Variants in TMC3 observed in about 807,000 individuals in gnomAD.
TMC3 encodes the protein transmembrane channel-like protein 3.
A neutral mutation model predicts 110.6 loss-of-function variants in TMC3; 98 were observed. The ratio of observed to expected loss-of-function variants is 0.89; its 90% CI spans 0.75 to 1.05. TMC3 has a LOEUF of 1.05. TMC3 is among the 50% of genes least tolerant of loss of function. The pLI, the probability that TMC3 is intolerant of heterozygous loss-of-function variation, is 0.00. For missense variants in TMC3, 1,319 were observed against 1,373.2 expected (o/e 0.96, Z 0.62); for synonymous variants, 489 against 513.1 (o/e 0.95, Z 0.63).
At chr15:81,352,582 G>T (rs753993563) in intron 9 of TMC3, among the ~76,000 whole-genome samples, 86 of 152,118 alleles carry the variant, frequency 5.7e-4, no homozygotes, top group Non-Finnish European at 1.0e-3. Flanking sequence ...TTATTTTAGG[G>T]TATACTTCTA....
rs570963801 is a variant in TMC3 at position 81,356,480 on chromosome 15, C to G, written c.858G>C (p.Glu286Asp). 2 of 1,567,498 alleles carry G rather than the reference C, an allele frequency of 1.3e-6. No homozygotes were observed. Among genetic ancestry groups the G allele is most frequent in the Non-Finnish European group, 1.7e-6 (2 of 1,155,754 alleles). The change falls in exon 8 of 22, where the codon GAG becomes GAC. Residue 286 changes from glutamate to aspartate, a missense_variant. Glu to Asp is a conservative substitution (Grantham distance 45, BLOSUM62 2). Transcript: ENST00000359440. ...DYLIGNPEAA[E>D]SKTAAIVNSI... The stretch of plus-strand genomic sequence containing the variant: ...TGTTCACTATGGCAGCTGTTTTGCT[C>G]TCTGCAGCCTCTGGGTTTCCAATGA...
rs1893510743 is a variant in TMC3 at position 81,333,130 on chromosome 15, G to GTTGAT, written c.2587_2591dup (p.Asn864LysfsTer40). 6.2e-7 allele frequency: 1 copy of GTTGAT among 1,614,046 alleles called. No individual in the cohort carries two copies. ...AGGCCTGTGGTCCACGGTGAGGAGG[G>GTTGAT]TTGATTTGCTGAAAGTCTTTTCGGA... On this transcript the variant is annotated frameshift_variant, in exon 22 of 22. Transcript: ENST00000359440. LOFTEE classifies it low-confidence loss of function (END_TRUNC).
In TMC3 at chr15:81,374,167, G is replaced by T; in HGVS notation, c.-90C>A. 1 of 1,186,640 alleles carries T rather than the reference G, an allele frequency of 8.4e-7. No homozygotes were observed. The highest frequency in any genetic ancestry group is 1.2e-6 in the Non-Finnish European group (1 of 814,296). 73.5% of individuals were successfully genotyped at this position (1,186,640 alleles called of 1,614,324 possible). A position where few individuals can be genotyped will look rare whatever the true frequency, so the allele number is the denominator to read the frequency against. On this transcript the variant is annotated 5_prime_UTR_variant, in exon 1 of 22. Transcript: ENST00000359440. ...TCTGTTCCGAGGTTTCTGAATGGAA[G>T]CAGCGGAGTTTGCTCTGCCCGCTAG... is the stretch of plus-strand genomic sequence containing the variant.
At chr15:81,367,284 T>C (rs1894335852) in intron 3 of TMC3, among the ~76,000 whole-genome samples, 1 of 150,706 alleles carries the variant, frequency 6.6e-6, no homozygotes, top group African/African-American at 2.5e-5. Flanking sequence ...AAAAACTATA[T>C]AGCAACATGG....
chr15:81,364,018 T>G (rs1354235107), intron 3 of TMC3, among the ~76,000 whole-genome samples: 1 of 152,228 alleles, frequency 6.6e-6, no homozygotes, highest in Non-Finnish European at 1.5e-5. Flanking sequence ...GTTATTTTAT[T>G]TCCTTGGATT....
chr15:81,368,334 A>G lies in TMC3; in HGVS notation c.237-6T>C. 4 of 1,611,700 alleles carry G rather than the reference A, an allele frequency of 2.5e-6. No individual in the cohort carries two copies. The highest frequency in any genetic ancestry group is 3.4e-6 in the Non-Finnish European group (4 of 1,177,990). On this transcript the variant is annotated splice_polypyrimidine_tract_variant and splice_region_variant and intron_variant, in intron 2 of 21. Coordinates refer to ENST00000359440, the MANE Select transcript of TMC3 (RefSeq NM_001080532.3). ...GCACAATGTTCTTCGCTTGTCTAAGAGAAGAAAAACATGATGGTGAACACA... is the reference window on the plus strand; with the variant it reads ...GCACAATGTTCTTCGCTTGTCTAAGGGAAGAAAAACATGATGGTGAACACA...
chr15:81,363,677 A>C (rs931825933), intron 3 of TMC3, among the ~76,000 whole-genome samples: 2 of 152,222 alleles, frequency 1.3e-5, no homozygotes, highest in Non-Finnish European at 2.9e-5. Flanking sequence ...GTAGCCAGAA[A>C]AGAAATTCTC....
chr15:81,350,106 A>G (rs1184540482), intron 10 of TMC3, among the ~76,000 whole-genome samples: 1 of 150,982 alleles, frequency 6.6e-6, no homozygotes, highest in African/African-American at 2.5e-5. Context: ...AAAGTGGCAC[A>G]TGCCTATGGT....
chr15:81,354,175 G>A (rs1013537885), intron 9 of TMC3, among the ~76,000 whole-genome samples: 4 of 152,196 alleles, frequency 2.6e-5, no homozygotes, highest in Admixed American at 1.3e-4. Flanking sequence ...GCCAACTTTG[G>A]AGCTTGTCTT....
chr15:81,341,852 T>G (rs542249505), intron 15 of TMC3: 8 of 190,536 alleles, frequency 4.2e-5, no homozygotes, highest in Non-Finnish European at 8.8e-5. Context: ...TGGTTTTGCT[T>G]GTCTATGATG....
At chr15:81,343,452 G>T in intron 14 of TMC3, 107 bp from the exon 15 acceptor site, 1 of 750,598 alleles carries the variant, frequency 1.3e-6, no homozygotes, top group South Asian at 1.5e-5. Flanking sequence ...TGAACACTTA[G>T]AGATCAGTGC....
At position 81,333,024 on chromosome 15, in the gene TMC3, G is replaced by GT. The variant is rs776122233; in HGVS notation, c.2697dup (p.His900ThrfsTer17). The GT allele has an allele frequency of 1.7e-5, 27 of 1,613,812 alleles. No individual in the cohort carries two copies. The highest frequency in any genetic ancestry group is 1.9e-5 in the Non-Finnish European group (23 of 1,179,858). On this transcript the variant is annotated frameshift_variant, in exon 22 of 22. Transcript: ENST00000359440. LOFTEE classifies it low-confidence loss of function (END_TRUNC). ...TGTCTTTCTGGCCAGACATTTAGAT[G>GT]TTTTTTCTTGTAAGAGTCACATTCA...
intron 9 of TMC3, among the ~76,000 whole-genome samples, chr15:81,354,301 G>A (rs1030039271): frequency 6.6e-6 from 1 of 152,220 alleles, no homozygotes. Context: ...GTCCTGGAGT[G>A]GAGCAGGAGA....
At position 81,332,661 on chromosome 15, in the gene TMC3, A is replaced by T. The variant is rs752709944; in HGVS notation, c.3061T>A (p.Tyr1021Asn). Residue 1021 changes from tyrosine (Y) to asparagine (N), a missense_variant, in exon 22 of 22, where the codon TAC becomes AAC. Tyr to Asn is a moderately radical substitution (Grantham distance 143). Coordinates refer to ENST00000359440, the MANE Select transcript of TMC3 (RefSeq NM_001080532.3). ...CTGGGCTTCAGAGGGGGCTGTGGGT[A>T]TTGGAAATTCCGGGATCGTGGCTTT... Reference protein sequence around the residue: ...PRKPRSRNFQYPQPPLKPRGK... With the variant: ...PRKPRSRNFQNPQPPLKPRGK... The T allele has an allele frequency of 1.5e-5, 24 of 1,613,824 alleles. No homozygotes were observed. The highest frequency in any genetic ancestry group is 1.8e-5 in the Non-Finnish European group (21 of 1,179,882).
rs139695475 is a variant in TMC3, at chr15:81,373,721, G to T, written c.89+268C>A. On this transcript the variant is annotated intron_variant, in intron 1 of 21. Transcript: ENST00000359440. ...GAGAAAACAGGGAAACATATCTGTG[G>T]GTTTGGCCAGCCATAAAGCCAGGTT... 2.6e-5 allele frequency among the ~76,000 whole-genome samples: 4 copies of T among 152,276 alleles called. No individual in the cohort carries two copies. In the East Asian group the frequency reaches 7.7e-4, roughly 29 times the overall value.
At chr15:81,372,349 G>C (rs1487578564) in intron 2 of TMC3, among the ~76,000 whole-genome samples, 14 of 116,786 alleles carry the variant, frequency 1.2e-4, no homozygotes, top group Admixed American at 3.6e-4. Flanking sequence ...CTGTCTCTCT[G>C]ACACACACAC....
intron 2 of TMC3, 132 bp downstream of exon 2, chr15:81,372,459 T>C: frequency 9.0e-7 from 1 of 1,112,226 alleles, no homozygotes; most frequent in Non-Finnish European, 1.3e-6. Flanking sequence ...TTTGTGACTT[T>C]GCTAATTCAG....
At chr15:81,355,645 A>G (rs1331384932) in intron 9 of TMC3, 80 bp downstream of exon 9, 2 of 892,260 alleles carry the variant, frequency 2.2e-6, no homozygotes, top group Admixed American at 2.1e-5. Flanking sequence ...AAAATAAGAT[A>G]TAGATGATCT....
chr15:81,334,621 G>T lies in TMC3; in HGVS notation c.2459+99C>A, dbSNP rs142927187. 38 of 1,445,618 alleles carry T rather than the reference G, an allele frequency of 2.6e-5. No individual in the cohort carries two copies. In the African/African-American group the frequency reaches 4.8e-4, roughly 18 times the overall value. The allele number at this position is 1,445,618 out of a possible 1,614,324, so 89.5% of individuals were successfully genotyped here. A position where few individuals can be genotyped will look rare whatever the true frequency, so the allele number is the denominator to read the frequency against. On this transcript the variant is annotated intron_variant, in intron 21 of 21. Transcript: ENST00000359440. ...CATAGTCTCCTGACCCATGCCTTCT[G>T]GGAGAATTAGAATTTAATGGCCTTG...
Sources: gnomAD v4.1 joint callset for allele counts (sites outside exome capture counted in the v4.1 genomes callset) on GRCh38, gnomAD v4.1.1 for gene constraint, MANE v1.5 for transcripts, NCBI Gene and HGNC (gene_info 2026-07-23, HGNC 2026-07-21) for gene names.